COL21A1: variants seen among roughly 807,000 people sequenced by gnomAD.
COL21A1 encodes the protein collagen alpha-1(XXI) chain.
A neutral mutation model predicts 137.9 loss-of-function variants in COL21A1; 149 were observed. That is an observed-to-expected ratio of 1.08 (90% CI 0.95 to 1.24). The LOEUF (loss-of-function observed/expected upper bound fraction) is 1.24. Ranked by LOEUF, COL21A1 falls within the 50% of genes most tolerant of loss-of-function variation. The pLI is 0.00. For synonymous variants in COL21A1, 456 were observed against 391.5 expected, an observed-to-expected ratio of 1.16 and a Z score of -1.95; for missense variants, 1,167 against 1,158.4, an observed-to-expected ratio of 1.01 and a Z score of -0.11.
chr6:56,390,495 G>GACACACACACACAC (rs35424168), intron 1 of COL21A1, among the ~76,000 whole-genome samples: 34 of 139,878 alleles, frequency 2.4e-4, no homozygotes, highest in South Asian at 7.2e-4. Flanking sequence ...TGGCTGAATG[G>GACACACACACACAC]ACACACACAC....
intron 10 of COL21A1, among the ~76,000 whole-genome samples, chr6:56,156,654 CCT>C (rs200255153): frequency 1.5e-5 from 1 of 67,566 alleles, no homozygotes; most frequent in African/African-American, 7.7e-5. Context: ...TGTGCTTAAG[CCT>C]ATACTGATCA....
intron 1 of COL21A1, among the ~76,000 whole-genome samples, chr6:56,245,189 T>C (rs752824470): frequency 1.6e-4 from 24 of 152,220 alleles, no homozygotes; most frequent in Non-Finnish European, 3.5e-4. Flanking sequence ...ATCTCACTTT[T>C]AGATGCTCTC....
intron 1 of COL21A1, among the ~76,000 whole-genome samples, chr6:56,260,611 AAGAAAGAG>A (rs1763230533): frequency 8.1e-6 from 1 of 123,058 alleles, no homozygotes; most frequent in Non-Finnish European, 1.8e-5. Flanking sequence ...AAGAAGAAGA[AAGAAAGAG>A]AGAGAGAGGA....
At chr6:56,189,057 T>C (rs1778488789) in intron 1 of COL21A1, among the ~76,000 whole-genome samples, 1 of 151,914 alleles carries the variant, frequency 6.6e-6, no homozygotes. Flanking sequence ...GAACACCTCT[T>C]CTCCTCCAAA....
chr6:56,142,272 T>C (rs1232993458), intron 10 of COL21A1, among the ~76,000 whole-genome samples: 2 of 152,180 alleles, frequency 1.3e-5, no homozygotes, highest in African/African-American at 4.8e-5. Flanking sequence ...TTAAGAAATG[T>C]ACTGGATTTA....
In COL21A1 at chr6:56,310,177, A is replaced by T. The variant is rs952934000; in HGVS notation, c.-39+83794T>A. 8.9e-5 allele frequency among the ~76,000 whole-genome samples: 13 copies of T among 145,908 alleles called. No homozygotes were observed. The South Asian group carries it at 2.8e-3, about 31-fold the overall frequency. On this transcript the variant is annotated intron_variant, in intron 1 of 28. Transcript: ENST00000370819. ...CATCTGTAATCAGAAACGCAAAAAG[A>T]AATGGAAGACGTAAGACAGAAAATT...
intron 18 of COL21A1, among the ~76,000 whole-genome samples, chr6:56,076,099 G>A (rs149588660): frequency 1.3e-5 from 2 of 151,554 alleles, no homozygotes; most frequent in African/African-American, 4.8e-5. Context: ...GAACTATACA[G>A]AAACCATGCC....
At chr6:56,202,418 G>T (rs1283750560) in intron 1 of COL21A1, among the ~76,000 whole-genome samples, 1 of 152,114 alleles carries the variant, frequency 6.6e-6, no homozygotes, top group Non-Finnish European at 1.5e-5. Context: ...CTCATAAGGA[G>T]GACCACTTTG....
At chr6:56,102,025 A>G (rs1194686848) in intron 16 of COL21A1, among the ~76,000 whole-genome samples, 1 of 152,132 alleles carries the variant, frequency 6.6e-6, no homozygotes, top group Non-Finnish European at 1.5e-5. Flanking sequence ...TTTAAAATAA[A>G]CATCTATAAT....
chr6:56,330,865 G>A (rs945113619), intron 1 of COL21A1, among the ~76,000 whole-genome samples: 4 of 152,042 alleles, frequency 2.6e-5, no homozygotes, highest in Non-Finnish European at 4.4e-5. Flanking sequence ...TTAGATCTTC[G>A]AGAAATCTCC....
intron 27 of COL21A1, 109 bp from the exon 28 acceptor site, chr6:56,060,327 T>A: frequency 1.2e-6 from 1 of 857,878 alleles, no homozygotes; most frequent in South Asian, 1.7e-5. Context: ...ACATTGAATA[T>A]GTGCATATTT....
intron 1 of COL21A1, among the ~76,000 whole-genome samples, chr6:56,323,824 A>C (rs1446073955): frequency 1.3e-5 from 2 of 152,106 alleles, no homozygotes; most frequent in Non-Finnish European, 2.9e-5. Flanking sequence ...CGGTGACTTT[A>C]ATAATTATTA....
chr6:56,337,890 C>T (rs759493457), intron 1 of COL21A1, among the ~76,000 whole-genome samples: 1 of 151,918 alleles, frequency 6.6e-6, no homozygotes, highest in African/African-American at 2.4e-5. Context: ...CACTGTAATG[C>T]TCATCTCTTC....
In COL21A1 at chr6:56,164,363, T is replaced by C. The variant is rs147176635; in HGVS notation, c.1371+60A>G. ...GGATCAATGGTGATTAGGAATTGTA[T>C]GGTTTACCCAGCTCTTGTTTGTGTG... On this transcript the variant is annotated intron_variant, in intron 9 of 29. Transcript: ENST00000244728. The C allele has an allele frequency of 2.8e-3, 3,086 of 1,089,878 alleles. 10 individuals carry two copies. Among genetic ancestry groups the C allele is most frequent in the Non-Finnish European group, 3.7e-3 (2,684 of 726,806 alleles). 67.5% of individuals were successfully genotyped at this position (1,089,878 alleles called of 1,614,324 possible).
intron 1 of COL21A1, among the ~76,000 whole-genome samples, chr6:56,292,395 C>CCA (rs368253542): frequency 7.5e-6 from 1 of 133,484 alleles, no homozygotes; most frequent in African/African-American, 2.6e-5. Context: ...ACAGGGACCC[C>CCA]CCCCCTCCCC....
At chr6:56,251,647 T>C (rs556171038), upstream of COL21A1, among the ~76,000 whole-genome samples, 2 of 152,324 alleles carry the variant, frequency 1.3e-5, no homozygotes, top group Non-Finnish European at 2.9e-5. Context: ...CTAAAACCTA[T>C]AAACAGGACT....
chr6:56,213,395 T>C (rs1780300625), intron 1 of COL21A1, among the ~76,000 whole-genome samples: 1 of 152,062 alleles, frequency 6.6e-6, no homozygotes, highest in African/African-American at 2.4e-5. Context: ...ACTAATTGCT[T>C]TGTGTGGAGG....
At chr6:56,229,298 A>G (rs552776911) in intron 1 of COL21A1, among the ~76,000 whole-genome samples, 2 of 152,108 alleles carry the variant, frequency 1.3e-5, no homozygotes, top group Admixed American at 1.3e-4. Flanking sequence ...AGAGGACAGA[A>G]CCATTGAGCC....
At chr6:56,075,044 A>C (rs960270180) in intron 19 of COL21A1, among the ~76,000 whole-genome samples, 13 of 151,084 alleles carry the variant, frequency 8.6e-5, no homozygotes, top group Non-Finnish European at 1.8e-4. Context: ...TGCCATCTTC[A>C]CTCTTGAAAA....
Sources: gnomAD v4.1 joint callset for allele counts (sites outside exome capture counted in the v4.1 genomes callset) on GRCh38, gnomAD v4.1.1 for gene constraint, MANE v1.5 for transcripts, NCBI Gene and HGNC (gene_info 2026-07-23, HGNC 2026-07-21) for gene names.